GRID1: variants seen among roughly 807,000 people sequenced by gnomAD.
GRID1 encodes the protein glutamate receptor ionotropic, delta-1.
GRID1 carries 28 observed loss-of-function variants against 98.0 expected under a neutral mutation model. That is an observed-to-expected ratio of 0.29 (90% CI 0.21 to 0.39). The LOEUF is 0.39. GRID1 is among the 10% of genes least tolerant of loss of function. The pLI, the probability that GRID1 is intolerant of heterozygous loss-of-function variation, is 1.00. For missense variants in GRID1, 1,111 were observed against 1,340.5 expected (o/e 0.83, Z 2.67); for synonymous variants, 553 against 538.5 (o/e 1.03, Z -0.37).
rs181350149 is a variant in GRID1 at position 85,687,064 on chromosome 10, A to G, written c.1997+35939T>C. On this transcript the variant is annotated intron_variant, in intron 12 of 15. Coordinates refer to ENST00000327946, the MANE Select transcript of GRID1 (RefSeq NM_017551.3). ...AATAATCTTATCTTCCACAGTGGAG[A>G]TTAAAATACTTGAACCCGATAGTTG... Among the ~76,000 whole-genome samples, 4 of 152,324 alleles carry G rather than the reference A, an allele frequency of 2.6e-5. No homozygotes were observed. The East Asian group carries it at 7.7e-4, about 29-fold the overall frequency.
intron 3 of GRID1, among the ~76,000 whole-genome samples, chr10:86,155,185 G>A (rs143400311): frequency 5.9e-5 from 9 of 152,330 alleles, no homozygotes; most frequent in East Asian, 1.9e-4. Context: ...CCAGCACCAC[G>A]GGCTGTATGG....
chr10:86,138,297 C>T (rs1041124495), intron 4 of GRID1, among the ~76,000 whole-genome samples: 2 of 152,196 alleles, frequency 1.3e-5, no homozygotes, highest in East Asian at 1.9e-4. Flanking sequence ...GCTCCAACCT[C>T]GAACAGAGAT....
chr10:85,665,071 C>G (rs1002994588), intron 12 of GRID1, among the ~76,000 whole-genome samples: 3 of 152,076 alleles, frequency 2.0e-5, no homozygotes, highest in Non-Finnish European at 2.9e-5. Context: ...ATTATTAGAA[C>G]TATTATTATT....
chr10:86,295,081 C>A (rs1020234576), intron 2 of GRID1, among the ~76,000 whole-genome samples: 1 of 152,124 alleles, frequency 6.6e-6, no homozygotes, highest in Admixed American at 6.5e-5. Flanking sequence ...GACCACAGTG[C>A]GCACAGGAGC....
At chr10:85,920,716 T>G (rs1253136659) in intron 4 of GRID1, among the ~76,000 whole-genome samples, 6 of 152,150 alleles carry the variant, frequency 3.9e-5, no homozygotes, top group Non-Finnish European at 1.5e-5. Flanking sequence ...ACAGAAGTGA[T>G]GACCCGGTCA....
chr10:85,932,860 C>A (rs542592629), intron 4 of GRID1, among the ~76,000 whole-genome samples: 1 of 152,070 alleles, frequency 6.6e-6, no homozygotes, highest in Non-Finnish European at 1.5e-5. Context: ...GAGGGAAAAT[C>A]GGCAGCAAAA....
intron 4 of GRID1, among the ~76,000 whole-genome samples, chr10:86,035,424 A>G (rs1033093049): frequency 6.6e-6 from 1 of 152,218 alleles, no homozygotes; most frequent in African/African-American, 2.4e-5. Flanking sequence ...AATTTCATCA[A>G]GTGCCCTCTT....
intron 4 of GRID1, among the ~76,000 whole-genome samples, chr10:85,975,110 T>C (rs1341262768): frequency 6.6e-6 from 1 of 152,244 alleles, no homozygotes; most frequent in Non-Finnish European, 1.5e-5. Context: ...TTCTCATCAT[T>C]TGCCCAAATG....
intron 8 of GRID1, among the ~76,000 whole-genome samples, chr10:85,756,323 T>G (rs1186443781): frequency 6.6e-6 from 1 of 152,178 alleles, no homozygotes; most frequent in African/African-American, 2.4e-5. Context: ...GCATACAACT[T>G]TTTTCTTTCC....
At chr10:86,345,081 G>A (rs960393343) in intron 2 of GRID1, among the ~76,000 whole-genome samples, 3 of 151,818 alleles carry the variant, frequency 2.0e-5, no homozygotes, top group South Asian at 2.1e-4. Context: ...CTTCCCTCCC[G>A]CCCTGATTCA....
chr10:85,665,769 C>T (rs531566669), intron 12 of GRID1, among the ~76,000 whole-genome samples: 35 of 152,306 alleles, frequency 2.3e-4, no homozygotes, highest in African/African-American at 8.2e-4. Flanking sequence ...GCCACCCCTG[C>T]AACCTAATTT....
rs548799919 is a variant in GRID1 at position 86,210,244 on chromosome 10, C to A, written c.236-3596G>T. Reference sequence around the variant, plus strand: ...GGTGCAGAGTGACAAAGACATATAGCCGGGCTGAACCCTCACCAGCTACCA... The same window carrying A: ...GGTGCAGAGTGACAAAGACATATAGACGGGCTGAACCCTCACCAGCTACCA... On this transcript the variant is annotated intron_variant, in intron 2 of 15. Transcript: ENST00000327946. 8.5e-5 allele frequency among the ~76,000 whole-genome samples: 13 copies of A among 152,262 alleles called. No individual in the cohort carries two copies. The South Asian group carries it at 2.5e-3, about 29-fold the overall frequency.
chr10:85,978,020 T>C (rs547024387), intron 4 of GRID1, among the ~76,000 whole-genome samples: 1 of 152,230 alleles, frequency 6.6e-6, no homozygotes, highest in Non-Finnish European at 1.5e-5. Context: ...AGCCTGAGAA[T>C]GTATCCAGCT....
At chr10:86,033,395 T>A (rs898099148) in intron 4 of GRID1, among the ~76,000 whole-genome samples, 1 of 152,138 alleles carries the variant, frequency 6.6e-6, no homozygotes, top group African/African-American at 2.4e-5. Context: ...CCCATGAGGA[T>A]GAATGATGCT....
At chr10:85,852,175 C>G (rs1843064888) in intron 8 of GRID1, among the ~76,000 whole-genome samples, 1 of 152,184 alleles carries the variant, frequency 6.6e-6, no homozygotes. Flanking sequence ...GCTAGGCAGA[C>G]AGATAACAAC....
intron 2 of GRID1, among the ~76,000 whole-genome samples, chr10:86,238,938 TAC>T (rs1450857927): frequency 6.6e-6 from 1 of 152,138 alleles, no homozygotes; most frequent in African/African-American, 2.4e-5. Context: ...TTGGAGCCCC[TAC>T]ACAGAGTCTC....
intron 2 of GRID1, among the ~76,000 whole-genome samples, chr10:86,273,631 T>G (rs1847221237): frequency 6.6e-6 from 1 of 152,116 alleles, no homozygotes; most frequent in Non-Finnish European, 1.5e-5. Flanking sequence ...AGTATCTCAT[T>G]GTGGTTTTGA....
At chr10:85,860,534 G>C (rs998473492) in intron 6 of GRID1, among the ~76,000 whole-genome samples, 1 of 152,204 alleles carries the variant, frequency 6.6e-6, no homozygotes, top group Non-Finnish European at 1.5e-5. Context: ...TGTAAGTGAG[G>C]AGAGAGCTGG....
chr10:85,737,224 T>G (rs952118983), intron 8 of GRID1, among the ~76,000 whole-genome samples: 3 of 152,060 alleles, frequency 2.0e-5, no homozygotes, highest in African/African-American at 7.2e-5. Flanking sequence ...CCTAGAAGGA[T>G]GTGTGTTAAG....
Sources: allele counts gnomAD v4.1 joint callset (sites outside exome capture counted in the v4.1 genomes callset), GRCh38; gene constraint gnomAD v4.1.1; transcripts MANE v1.5; gene names NCBI Gene and HGNC (gene_info 2026-07-23, HGNC 2026-07-21).